MICAL1: variants seen among roughly 807,000 people sequenced by gnomAD.
The protein encoded by MICAL1 is [F-actin]-monooxygenase MICAL1.
A neutral mutation model predicts 131.8 loss-of-function variants in MICAL1; 95 were observed. The observed-to-expected ratio is 0.72, with a 90% CI of 0.61 to 0.86. The LOEUF (loss-of-function observed/expected upper bound fraction) is 0.86, where lower values mean the gene tolerates loss of function less well. Ranked by LOEUF, MICAL1 falls within the 40% of genes least tolerant of loss-of-function variation. MICAL1 has a pLI of 0.00. For missense variants in MICAL1, 1,292 were observed against 1,380.6 expected (o/e 0.94, Z 1.02); for synonymous variants, 546 against 554.2 (o/e 0.99, Z 0.21).
At position 109,447,205 on chromosome 6, in the gene MICAL1, G is replaced by A; in HGVS notation, c.2095C>T (p.Leu699Phe). The A allele has an allele frequency of 1.2e-6, 2 of 1,614,102 alleles. No individual in the cohort carries two copies. The highest frequency in any genetic ancestry group is 2.2e-5 in the East Asian group (1 of 44,888). The change falls in exon 17 of 25, where the codon CTT (leucine) becomes TTT (phenylalanine). Residue 699 changes from leucine to phenylalanine, a missense_variant. Physicochemically the swap from Leu to Phe is conservative, Grantham distance 22. Transcript: ENST00000358807. Reference sequence around the variant, plus strand: ...AGGACATAGAGGTGTTCCCCACAAAGTGCACACAGGTCCCCAGCACCGGCC... The same window carrying A: ...AGGACATAGAGGTGTTCCCCACAAAATGCACACAGGTCCCCAGCACCGGCC... ...QEAGAGDLCA[L>F]CGEHLYVLER...
At chr6:109,456,748 G>A (rs1465292332), upstream of MICAL1, among the ~76,000 whole-genome samples, 3 of 152,182 alleles carry the variant, frequency 2.0e-5, no homozygotes, top group Non-Finnish European at 4.4e-5. Context: ...CTCATTTATT[G>A]ACCGTCATCC....
chr6:109,450,160 G>A (rs904632823), intron 8 of MICAL1, 75 bp from the exon 9 acceptor site: 14 of 1,570,382 alleles, frequency 8.9e-6, no homozygotes, highest in African/African-American at 1.4e-5. Flanking sequence ...TATCCACCCA[G>A]GTCACAGCAG....
upstream of MICAL1, among the ~76,000 whole-genome samples, chr6:109,458,550 C>T (rs1406663341): frequency 2.0e-5 from 3 of 152,134 alleles, no homozygotes; most frequent in South Asian, 2.1e-4. Context: ...AAGCTGAGAT[C>T]GTTCCATTGC....
Position 109,450,426 on chromosome 6 carries a change from G to A in MICAL1, c.1065C>T (p.Ala355=). The part of the protein sequence containing the change: ...KLGKLEFAQD[A]HGQPDVSAFD... The stretch of plus-strand genomic sequence containing the variant: ...AGGCAGAGACATCAGGCTGCCCATG[G>A]GCATCCTGGGCAAACTCTAGTTTCC... The change falls in exon 8 of 25, where the codon GCC becomes GCT. Residue 355 remains alanine, a synonymous_variant. Coordinates refer to ENST00000358807, the MANE Select transcript of MICAL1 (RefSeq NM_022765.4). 1 of 1,613,582 alleles carries A rather than the reference G, an allele frequency of 6.2e-7. No homozygotes were observed. The highest frequency in any genetic ancestry group is 1.1e-5 in the South Asian group (1 of 91,086).
upstream of MICAL1, among the ~76,000 whole-genome samples, chr6:109,460,206 G>A (rs1775850562): frequency 6.6e-6 from 1 of 151,972 alleles, no homozygotes; most frequent in Non-Finnish European, 1.5e-5. Context: ...TATAATCCCA[G>A]CACTCTGGGA....
chr6:109,447,924 A>T lies in MICAL1; in HGVS notation c.1895T>A (p.Val632Glu), dbSNP rs748012645. 5.6e-6 allele frequency: 9 copies of T among 1,613,014 alleles called. No homozygotes were observed. The highest frequency in any genetic ancestry group is 7.6e-6 in the Non-Finnish European group (9 of 1,179,490). Residue 632 changes from valine to glutamate, a missense_variant, in exon 14 of 25, where the codon GTA becomes GAA. By Grantham distance (121) the Val-to-Glu change is moderately radical (BLOSUM62 -2). Coordinates refer to ENST00000358807, the MANE Select transcript of MICAL1 (RefSeq NM_022765.4). ...CCTCTGAAGTTTACTAAGGAATAAT[A>T]CAGCACTGGAGGTCCCTGGGGAGGC... ...SQASPGTSSA[V>E]LFLSKLQRTL... is the part of the protein sequence containing the mutation.
At chr6:109,458,210 T>A (rs1775805175), upstream of MICAL1, among the ~76,000 whole-genome samples, 1 of 152,188 alleles carries the variant, frequency 6.6e-6, no homozygotes, top group Non-Finnish European at 1.5e-5. Flanking sequence ...ATTCAAATTA[T>A]GTGTATGTAG....
chr6:109,458,123 G>GAA (rs34496161), upstream of MICAL1, among the ~76,000 whole-genome samples: 302 of 137,320 alleles, frequency 2.2e-3, no homozygotes, highest in South Asian at 6.7e-3. Flanking sequence ...TTTCTTCCAA[G>GAA]AAAAAAAAAA....
rs750057550 is a variant in MICAL1, at chr6:109,445,460, G to A, written c.2743C>T (p.Arg915Cys). The A allele has an allele frequency of 9.2e-5, 149 of 1,613,968 alleles. No individual in the cohort carries two copies. Among genetic ancestry groups the A allele is most frequent in the Non-Finnish European group, 1.2e-4 (137 of 1,180,048 alleles). The change falls in exon 21 of 25, where the codon CGC becomes TGC. Residue 915 changes from arginine (R) to cysteine (C), a missense_variant. Physicochemically the swap from Arg to Cys is radical, Grantham distance 180. Transcript: ENST00000358807. ...NYPTWRRTLL[R>C]RAKEEEMKRF... ...TTCATCTCCTCCTCCTTCGCACGGC[G>A]CAGCAGAGTCCGACGCCATGTTGGG... is the stretch of plus-strand genomic sequence containing the variant.
Position 109,452,229 on chromosome 6 carries a change from G to C in MICAL1, c.832+17C>G, listed in dbSNP as rs1301368586. 3 of 1,600,674 alleles carry C rather than the reference G, an allele frequency of 1.9e-6. No individual in the cohort carries two copies. The highest frequency in any genetic ancestry group is 2.2e-5 in the South Asian group (2 of 90,074). On this transcript the variant is annotated intron_variant, in intron 6 of 24. Transcript: ENST00000358807. ...GTCAGGCAGGGGGAGGGGAAATTCAGCAAGAGGGTCCCTGACCTGTGGCTT... is the reference window on the plus strand; with the variant it reads ...GTCAGGCAGGGGGAGGGGAAATTCACCAAGAGGGTCCCTGACCTGTGGCTT...
intron 1 of MICAL1, chr6:109,464,311 TG>T: frequency 6.6e-6 from 1 of 152,314 alleles, no homozygotes; most frequent in East Asian, 1.9e-4. Context: ...CTCTCAAACC[TG>T]AAGAATTCTC....
At chr6:109,457,617 T>A (rs1175864091), upstream of MICAL1, among the ~76,000 whole-genome samples, 1 of 152,170 alleles carries the variant, frequency 6.6e-6, no homozygotes. Context: ...TCCCTTTCAC[T>A]AGCAGATGGT....
chr6:109,450,595 A>C lies in MICAL1; in HGVS notation c.934-38T>G, dbSNP rs1357530557. On this transcript the variant is annotated intron_variant, in intron 7 of 24. Transcript: ENST00000358807. Reference sequence around the variant, plus strand: ...CAGAGCAGAACCTCAGAGACCTCTGAGAGCAGGGTCAGTGGGCCAGTGCCA... The same window carrying C: ...CAGAGCAGAACCTCAGAGACCTCTGCGAGCAGGGTCAGTGGGCCAGTGCCA... 1.9e-6 allele frequency: 3 copies of C among 1,573,838 alleles called. No individual in the cohort carries two copies. The South Asian group carries it at 3.4e-5, about 18-fold the overall frequency.
At position 109,452,571 on chromosome 6, in the gene MICAL1, G is replaced by C; in HGVS notation, c.616C>G (p.Leu206Val). ...AGGACGTCAAATTCATAGTTGGCCA[G>C]CTGGGCAGGGGGGTTGGGTTGGAGC... ...AQLQPNPPAQLANYEFDVLIS... is the reference protein window; with the variant it reads ...AQLQPNPPAQVANYEFDVLIS... Residue 206 changes from leucine (L) to valine (V), a missense_variant, in exon 5 of 25, where the codon CTG becomes GTG. Physicochemically the swap from Leu to Val is conservative, Grantham distance 32. Coordinates refer to ENST00000358807, the MANE Select transcript of MICAL1 (RefSeq NM_022765.4). The C allele has an allele frequency of 6.2e-7, 1 of 1,613,752 alleles. No individual in the cohort carries two copies. The highest frequency in any genetic ancestry group is 8.5e-7 in the Non-Finnish European group (1 of 1,179,940).
chr6:109,446,874 C>G, intron 17 of MICAL1, 102 bp from the exon 18 acceptor site: 2 of 1,321,194 alleles, frequency 1.5e-6, no homozygotes. Flanking sequence ...GACAGATTTG[C>G]AGGTGAATTT....
At chr6:109,445,076 A>G in intron 22 of MICAL1, 81 bp from the exon 23 acceptor site, 1 of 1,575,860 alleles carries the variant, frequency 6.3e-7, no homozygotes, top group Admixed American at 1.7e-5. Flanking sequence ...GGGAGACAGG[A>G]GAGCCGGGTG....
intron 1 of MICAL1, among the ~76,000 whole-genome samples, chr6:109,461,051 A>AC (rs1230688019): frequency 6.6e-6 from 1 of 152,054 alleles, no homozygotes; most frequent in Non-Finnish European, 1.5e-5. Flanking sequence ...GGTATGCTGC[A>AC]CCCATCAACT....
At position 109,450,031 on chromosome 6, in the gene MICAL1, C is replaced by G. The variant is rs1350033666; in HGVS notation, c.1246G>C (p.Ala416Pro). 6.2e-7 allele frequency: 1 copy of G among 1,614,034 alleles called. No individual in the cohort carries two copies. The highest frequency in any genetic ancestry group is 1.3e-5 in the African/African-American group (1 of 74,920). ...VARGFLAAFDAAWMVKRWAEG... is the reference protein window; with the variant it reads ...VARGFLAAFDPAWMVKRWAEG... ...GCCCACCGCTTCACCATCCAGGCTG[C>G]ATCAAAGGCTGCCAGGAAGCCCCGT... The change falls in exon 9 of 25, where the codon GCA (alanine) becomes CCA (proline). Residue 416 changes from alanine to proline, a missense_variant. By Grantham distance (27) the Ala-to-Pro change is conservative. Coordinates refer to ENST00000358807, the MANE Select transcript of MICAL1 (RefSeq NM_022765.4).
At position 109,453,796 on chromosome 6, in the gene MICAL1, A is replaced by G. The variant is rs1775637183; in HGVS notation, c.308T>C (p.Leu103Pro). Reference sequence around the variant, plus strand: ...CACCACTCGGGCCCCCAGCAGCGCCAGCTCCACAGCGACCCGCAGCCCGCA... The same window carrying G: ...CACCACTCGGGCCCCCAGCAGCGCCGGCTCCACAGCGACCCGCAGCCCGCA... ...GPCGLRVAVE[L>P]ALLGARVVLV... The change falls in exon 3 of 25, where the codon CTG (leucine) becomes CCG (proline). Residue 103 changes from leucine (L) to proline (P), a missense_variant. Transcript: ENST00000358807. 6.2e-7 allele frequency: 1 copy of G among 1,613,652 alleles called. No homozygotes were observed. The highest frequency in any genetic ancestry group is 8.5e-7 in the Non-Finnish European group (1 of 1,180,032).
Sources: allele counts gnomAD v4.1 joint callset (sites outside exome capture counted in the v4.1 genomes callset), GRCh38; gene constraint gnomAD v4.1.1; transcripts MANE v1.5; gene names NCBI Gene and HGNC (gene_info 2026-07-23, HGNC 2026-07-21).